The following SYTL2 variants were observed in gnomAD, a reference collection of about 807,000 sequenced individuals.
SYTL2 encodes synaptotagmin-like protein 2.
In SYTL2, 165 loss-of-function variants were observed where a neutral mutation model predicts 198.7. The observed-to-expected ratio is 0.83, with a 90% confidence interval of 0.73 to 0.94. SYTL2 has a LOEUF of 0.94. Among genes scored for constraint, SYTL2 ranks in the 40% least tolerant of loss-of-function variants. SYTL2 has a pLI of 0.00. For missense variants in SYTL2, 2,835 were observed against 2,582.8 expected (o/e 1.10, Z -2.12); for synonymous variants, 966 against 917.7 (o/e 1.05, Z -0.95).
At chr11:85,716,731 C>CACACACAG (rs1478381279) in intron 11 of SYTL2, 1 of 152,302 alleles carries the variant, frequency 6.6e-6, no homozygotes, top group South Asian at 2.1e-4. Flanking sequence ...CACACACACA[C>CACACACAG]AGAGCTGCAT....
chr11:85,730,577 A>G lies in SYTL2; in HGVS notation c.1391-2610T>C, dbSNP rs61908776. Among the ~76,000 whole-genome samples the G allele has an allele frequency of 6.1e-3, 932 of 152,330 alleles. 4 individuals are homozygous for G. Among genetic ancestry groups the G allele is most frequent in the Non-Finnish European group, 9.6e-3 (655 of 68,028 alleles). On this transcript the variant is annotated intron_variant, in intron 7 of 19. Coordinates refer to ENST00000359152, the MANE Select transcript of SYTL2 (RefSeq NM_206927.4). ...GCTAAAAACCCTCAATAAACTAGGT[A>G]TTGATGGAACGTATCTCAAAATAAT...
the SYTL2 span, chr11:85,853,259 T>C: frequency 1.2e-5 from 5 of 431,730 alleles, no homozygotes; most frequent in African/African-American, 4.2e-5. Flanking sequence ...ATCAGATTGT[T>C]GCCGTGTCTT....
chr11:85,695,192 G>T lies in SYTL2; in HGVS notation c.*3C>A, dbSNP rs1399228797. The T allele has an allele frequency of 2.5e-6, 4 of 1,609,826 alleles. No individual in the cohort carries two copies. In the East Asian group the frequency reaches 8.9e-5, roughly 36 times the overall value. ...TCAGTGGAGGAGCCAGTGGAATTTG[G>T]GCTCATTTGGAAATCTTGGCAATCA... is the stretch of plus-strand genomic sequence containing the variant. On this transcript the variant is annotated 3_prime_UTR_variant, in exon 20 of 20. Transcript: ENST00000359152.
At chr11:85,711,079 G>A (rs753520021) in intron 13 of SYTL2, 34 bp downstream of exon 13, 4 of 1,610,672 alleles carry the variant, frequency 2.5e-6, no homozygotes, top group Non-Finnish European at 3.4e-6. Flanking sequence ...CAGAGACGCG[G>A]AGAGATATTA....
chr11:85,762,433 A>T (rs1241190137), intron 1 of SYTL2, among the ~76,000 whole-genome samples: 1 of 152,230 alleles, frequency 6.6e-6, no homozygotes, highest in Admixed American at 6.5e-5. Flanking sequence ...ATTCAGCATG[A>T]TGCTGAGTCA....
intron 1 of SYTL2, among the ~76,000 whole-genome samples, chr11:85,759,579 T>G (rs1390188331): frequency 6.6e-6 from 1 of 152,186 alleles, no homozygotes; most frequent in African/African-American, 2.4e-5. Context: ...GAGTTCACAC[T>G]TTTTTTCCAT....
rs2089031907 is a variant in SYTL2, at chr11:85,725,575, A to G, written c.3783T>C (p.Ala1261=). The G allele has an allele frequency of 6.2e-7, 1 of 1,613,978 alleles. No individual in the cohort carries two copies. The highest frequency in any genetic ancestry group is 1.7e-5 in the Admixed American group (1 of 60,006). Reference sequence around the variant, plus strand: ...AAGGAGCTAGTATTTCTCTCTTATCAGCTGAAGTATTGTGACTCTGTTCTA... The same window carrying G: ...AAGGAGCTAGTATTTCTCTCTTATCGGCTGAAGTATTGTGACTCTGTTCTA... ...KGIEQSHNTS[A]DKREILAPFP... Residue 1261 remains alanine, a synonymous_variant, in exon 8 of 20, where the codon GCT becomes GCC. Coordinates refer to ENST00000359152, the MANE Select transcript of SYTL2 (RefSeq NM_206927.4).
At chr11:85,697,571 T>G (rs1466714500) in intron 18 of SYTL2, among the ~76,000 whole-genome samples, 2 of 152,218 alleles carry the variant, frequency 1.3e-5, no homozygotes, top group African/African-American at 2.4e-5. Context: ...ATCTGCAGTC[T>G]CATACAATGA....
intron 1 of SYTL2, among the ~76,000 whole-genome samples, chr11:85,794,845 G>A (rs1376917489): frequency 6.6e-6 from 1 of 152,080 alleles, no homozygotes; most frequent in Non-Finnish European, 1.5e-5. Context: ...ATTGCTCCAG[G>A]AATTCATGGA....
At chr11:85,787,695 C>CCTTTTTTTTTTTTTTTTTTTTTTTT (rs1566023900) in intron 1 of SYTL2, among the ~76,000 whole-genome samples, 1 of 102,692 alleles carries the variant, frequency 9.7e-6, no homozygotes, top group Non-Finnish European at 2.0e-5. Flanking sequence ...GTTTTTTTTT[C>CCTTTTTTTTTTTTTTTTTTTTTTTT]TTTTCCTTTT....
rs535724718 is a variant in SYTL2 at position 85,767,263 on chromosome 11, T to A, written c.-389-9149A>T. On this transcript the variant is annotated intron_variant, in intron 1 of 19. Transcript: ENST00000359152. Reference sequence around the variant, plus strand: ...TCACACAACTGCCTAACATTGGAGCTAGGACATGCAGAGAAGATCTCCTTT... The same window carrying A: ...TCACACAACTGCCTAACATTGGAGCAAGGACATGCAGAGAAGATCTCCTTT... Among the ~76,000 whole-genome samples, 4 of 152,348 alleles carry A rather than the reference T, an allele frequency of 2.6e-5. No homozygotes were observed. In the South Asian group the frequency reaches 8.3e-4, roughly 32 times the overall value.
At chr11:85,843,150 G>A in the SYTL2 span, among the ~76,000 whole-genome samples, 5 of 152,174 alleles carry the variant, frequency 3.3e-5, no homozygotes, top group African/African-American at 1.2e-4. Context: ...GAGGCGGGCA[G>A]ATCACTCGAG....
rs545466584 is a variant in SYTL2 at position 85,759,567 on chromosome 11, C to T, written c.-389-1453G>A. 1.3e-3 allele frequency among the ~76,000 whole-genome samples: 193 copies of T among 152,306 alleles called. 3 individuals carry two copies. The South Asian group carries it at 0.014, about 11-fold the overall frequency. ...CTAAAACTATATTCTAGCTTCCGCTCTGAGTTCACACTTTTTTTCCATCCA... is the reference window on the plus strand; with the variant it reads ...CTAAAACTATATTCTAGCTTCCGCTTTGAGTTCACACTTTTTTTCCATCCA... On this transcript the variant is annotated intron_variant, in intron 1 of 19. Coordinates refer to ENST00000359152, the MANE Select transcript of SYTL2 (RefSeq NM_206927.4).
intron 16 of SYTL2, 25 bp from the exon 17 acceptor site, chr11:85,700,618 G>A (rs747117203): frequency 6.3e-6 from 10 of 1,584,456 alleles, no homozygotes; most frequent in Non-Finnish European, 8.7e-6. Context: ...AATGTCAGCA[G>A]GTGGGAGACA....
intron 1 of SYTL2, among the ~76,000 whole-genome samples, chr11:85,768,084 G>C (rs2092281493): frequency 6.6e-6 from 1 of 152,138 alleles, no homozygotes; most frequent in Non-Finnish European, 1.5e-5. Context: ...GCATGACCTT[G>C]TCTCCAAGGA....
intron 15 of SYTL2, among the ~76,000 whole-genome samples, chr11:85,705,482 C>A (rs887711844): frequency 3.9e-5 from 6 of 152,084 alleles, no homozygotes; most frequent in African/African-American, 1.4e-4. Context: ...ACAGAGTTCC[C>A]ATATGCCATG....
chr11:85,849,096 C>T, the SYTL2 span, among the ~76,000 whole-genome samples: 23,709 of 152,132 alleles, frequency 0.16, 2,040 homozygotes, highest in Middle Eastern at 0.2. Context: ...TGGGTTAAAA[C>T]AATCTCCTTC....
In SYTL2 at chr11:85,708,821, T is replaced by A. The variant is rs557536578; in HGVS notation, c.5915+510A>T. Among the ~76,000 whole-genome samples the A allele has an allele frequency of 2.0e-3, 303 of 151,376 alleles. 1 individual carries two copies. The highest frequency in any genetic ancestry group is 7.1e-3 in the African/African-American group (294 of 41,234). On this transcript the variant is annotated intron_variant, in intron 14 of 19. Transcript: ENST00000359152. ...AAAGGTTCTTTCCAAGTTGAAACAT[T>A]TTGTGCTTCTCTGTGATTTTTTTTT...
chr11:85,807,093 G>A (rs986888800), intron 1 of SYTL2, among the ~76,000 whole-genome samples: 1 of 152,206 alleles, frequency 6.6e-6, no homozygotes, highest in African/African-American at 2.4e-5. Context: ...GCAAGCCTCT[G>A]CCTTGCTTAG....
Sources: allele counts gnomAD v4.1 joint callset (sites outside exome capture counted in the v4.1 genomes callset), GRCh38; gene constraint gnomAD v4.1.1; transcripts MANE v1.5; gene names NCBI Gene and HGNC (gene_info 2026-07-23, HGNC 2026-07-21).